The following FBXW4 variants were observed in gnomAD, a reference collection of about 807,000 sequenced individuals.
FBXW4 encodes the protein F-box/WD repeat-containing protein 4.
A neutral mutation model predicts 61.8 loss-of-function variants in FBXW4; 40 were observed. The observed-to-expected ratio is 0.65, with a 90% CI of 0.50 to 0.84. The LOEUF is 0.84. FBXW4 is among the 40% of genes least tolerant of loss of function. FBXW4 has a pLI of 0.00. For synonymous variants in FBXW4, 311 were observed against 313.8 expected (o/e 0.99, Z 0.10); for missense variants, 672 against 753.8 (o/e 0.89, Z 1.27).
chr10:101,635,916 TG>T (rs1003764413), intron 5 of FBXW4, among the ~76,000 whole-genome samples: 2 of 150,322 alleles, frequency 1.3e-5, no homozygotes, highest in Admixed American at 6.6e-5. Context: ...CTCCCTACCC[TG>T]GGGGGGCGGG....
At chr10:101,692,992 T>C (rs1175986976) in intron 1 of FBXW4, among the ~76,000 whole-genome samples, 3 of 152,056 alleles carry the variant, frequency 2.0e-5, no homozygotes, top group Admixed American at 6.5e-5. Context: ...TCCAAATTTA[T>C]AGGAAAAACA....
chr10:101,643,465 T>C (rs1390128274), intron 5 of FBXW4, among the ~76,000 whole-genome samples: 1 of 152,234 alleles, frequency 6.6e-6, no homozygotes, highest in South Asian at 2.1e-4. Flanking sequence ...CACACATACA[T>C]GCAGCCGCGT....
intron 6 of FBXW4, among the ~76,000 whole-genome samples, chr10:101,620,065 C>T (rs895196959): frequency 3.3e-5 from 5 of 152,186 alleles, no homozygotes; most frequent in Non-Finnish European, 7.3e-5. Flanking sequence ...CAGTACTCCC[C>T]GCTCTCTGCC....
intron 5 of FBXW4, among the ~76,000 whole-genome samples, chr10:101,636,308 A>C (rs773792397): frequency 5.3e-5 from 8 of 151,828 alleles, no homozygotes; most frequent in Non-Finnish European, 1.0e-4. Flanking sequence ...GCCAAGATTG[A>C]GATTGAGCCA....
intron 5 of FBXW4, among the ~76,000 whole-genome samples, chr10:101,638,387 G>A (rs1357073327): frequency 6.7e-6 from 1 of 149,912 alleles, no homozygotes; most frequent in African/African-American, 2.5e-5. Flanking sequence ...AAACAAAGCA[G>A]AACCATATAT....
chr10:101,656,434 C>T (rs773230070), intron 5 of FBXW4, among the ~76,000 whole-genome samples: 11 of 152,220 alleles, frequency 7.2e-5, no homozygotes, highest in African/African-American at 1.2e-4. Context: ...CAAGCCTACC[C>T]GCTGATCTTA....
In FBXW4 at chr10:101,668,059, T is replaced by C. The variant is rs2064323737; in HGVS notation, c.1141-79A>G. Reference sequence around the variant, plus strand: ...GGAGAGGTGCTCCGGGAGAGGTGACTGTTGGAGGTGGAGAAATGGGGAATC... The same window carrying C: ...GGAGAGGTGCTCCGGGAGAGGTGACCGTTGGAGGTGGAGAAATGGGGAATC... On this transcript the variant is annotated intron_variant, in intron 4 of 8. Coordinates refer to ENST00000331272, the MANE Select transcript of FBXW4 (RefSeq NM_022039.4). 3.7e-6 allele frequency: 4 copies of C among 1,083,334 alleles called. No individual in the cohort carries two copies. In the South Asian group the frequency reaches 5.0e-5, roughly 14 times the overall value. 67.1% of individuals were successfully genotyped at this position (1,083,334 alleles called of 1,614,324 possible). A position where few individuals can be genotyped will look rare whatever the true frequency, so the allele number is the denominator to read the frequency against.
intron 5 of FBXW4, among the ~76,000 whole-genome samples, chr10:101,651,698 T>A (rs1319889279): frequency 6.6e-6 from 1 of 151,992 alleles, no homozygotes; most frequent in Non-Finnish European, 1.5e-5. Context: ...AGTGGTCAGC[T>A]GAGACCCCCA....
In FBXW4 at chr10:101,689,000, C is replaced by T. The variant is rs545751636; in HGVS notation, c.725+5381G>A. Reference sequence around the variant, plus strand: ...AGCTAAGGTTAAGTTGTCACACACACGTAATTCTTTTCTAAGTCACACATT... The same window carrying T: ...AGCTAAGGTTAAGTTGTCACACACATGTAATTCTTTTCTAAGTCACACATT... On this transcript the variant is annotated intron_variant, in intron 1 of 8. Coordinates refer to ENST00000331272, the MANE Select transcript of FBXW4 (RefSeq NM_022039.4). Among the ~76,000 whole-genome samples the T allele has an allele frequency of 4.6e-5, 7 of 152,182 alleles. No individual in the cohort carries two copies. In the East Asian group the frequency reaches 5.8e-4, roughly 13 times the overall value.
Position 101,612,482 on chromosome 10 carries a change from G to C in FBXW4, c.1302-5C>G. The C allele has an allele frequency of 6.4e-7, 1 of 1,562,428 alleles. No individual in the cohort carries two copies. The highest frequency in any genetic ancestry group is 1.2e-5 in the South Asian group (1 of 80,632). ...AAGTGTGTCATCAGCTGCCCACTGG[G>C]AAGGGAAGGACGGAGTGAGAGGCTG... On this transcript the variant is annotated splice_region_variant and splice_polypyrimidine_tract_variant and intron_variant, in intron 6 of 8. Coordinates refer to ENST00000331272, the MANE Select transcript of FBXW4 (RefSeq NM_022039.4).
At chr10:101,625,925 G>T (rs1051250587) in intron 5 of FBXW4, 1 of 152,290 alleles carries the variant, frequency 6.6e-6, no homozygotes. Context: ...AAGCATGTCA[G>T]TGAGGAGATG....
chr10:101,676,207 T>C (rs1490527354), intron 2 of FBXW4, 134 bp downstream of exon 2: 2 of 533,290 alleles, frequency 3.8e-6, no homozygotes, highest in Non-Finnish European at 6.6e-6. Context: ...ATGCCCCCTT[T>C]GTGTTATTCA....
At chr10:101,667,824 A>G in intron 5 of FBXW4, 62 bp downstream of exon 5, 1 of 1,387,904 alleles carries the variant, frequency 7.2e-7, no homozygotes, top group Non-Finnish European at 1.0e-6. Flanking sequence ...AGCTCACCTG[A>G]TCTAGTAAAA....
intron 6 of FBXW4, among the ~76,000 whole-genome samples, chr10:101,615,378 A>G (rs2063818842): frequency 6.6e-6 from 1 of 151,986 alleles, no homozygotes; most frequent in Non-Finnish European, 1.5e-5. Context: ...GGGGGCCTCC[A>G]CACCCTAGCC....
In FBXW4 at chr10:101,694,189, T is replaced by TGCTCTCG. The variant is rs2064644163; in HGVS notation, c.725+191_725+192insCGAGAGC. On this transcript the variant is annotated intron_variant, in intron 1 of 8. Coordinates refer to ENST00000331272, the MANE Select transcript of FBXW4 (RefSeq NM_022039.4). The surrounding 1 kb of genome is among the most constrained non-coding windows in gnomAD (Gnocchi z 6.0). Reference sequence around the variant, plus strand: ...GATGCTCTCGGGAGGCTGCCTCAGATGGAGGCCTTGGGGAGGAGGGGCAAA... The same window carrying TGCTCTCG: ...GATGCTCTCGGGAGGCTGCCTCAGATGCTCTCGGGAGGCCTTGGGGAGGAGGGGCAAA... Among the ~76,000 whole-genome samples, 1 of 151,832 alleles carries TGCTCTCG rather than the reference T, an allele frequency of 6.6e-6. No homozygotes were observed. The highest frequency in any genetic ancestry group is 1.5e-5 in the Non-Finnish European group (1 of 67,932).
At chr10:101,659,143 C>T (rs1404829278) in intron 5 of FBXW4, among the ~76,000 whole-genome samples, 1 of 152,096 alleles carries the variant, frequency 6.6e-6, no homozygotes, top group Non-Finnish European at 1.5e-5. Flanking sequence ...TTAATCACCA[C>T]CAGGAGGGGC....
intron 6 of FBXW4, among the ~76,000 whole-genome samples, chr10:101,615,601 A>T (rs1159882538): frequency 6.6e-6 from 1 of 152,006 alleles, no homozygotes; most frequent in Non-Finnish European, 1.5e-5. Context: ...CACCCCTGAG[A>T]GGTCAGGGCC....
intron 2 of FBXW4, 129 bp from the exon 3 acceptor site, chr10:101,673,802 G>A (rs1284059844): frequency 1.9e-5 from 15 of 808,576 alleles, no homozygotes; most frequent in Non-Finnish European, 2.3e-5. Flanking sequence ...ATCTATACTT[G>A]ATACCCTCCT....
intron 1 of FBXW4, among the ~76,000 whole-genome samples, chr10:101,683,333 G>C (rs971101014): frequency 6.6e-6 from 1 of 152,236 alleles, no homozygotes; most frequent in African/African-American, 2.4e-5. Context: ...GGGCCTGGCT[G>C]AACTGCCATT....
Sources: allele counts gnomAD v4.1 joint callset (sites outside exome capture counted in the v4.1 genomes callset), GRCh38; gene constraint gnomAD v4.1.1; non-coding constraint Gnocchi (gnomAD v3.1); transcripts MANE v1.5; gene names NCBI Gene and HGNC (gene_info 2026-07-23, HGNC 2026-07-21).